Variants in SYT1 observed in about 807,000 individuals in gnomAD.
SYT1 encodes the protein synaptotagmin-1.
SYT1 carries 8 observed loss-of-function variants against 44.8 expected under a neutral mutation model. That is an observed-to-expected ratio of 0.18 (90% confidence interval 0.10 to 0.32). The LOEUF is 0.32. Among genes scored for constraint, SYT1 ranks in the 10% least tolerant of loss-of-function variants. SYT1 has a pLI of 1.00. For missense variants in SYT1, 286 were observed against 509.3 expected (o/e 0.56, Z 4.22); for synonymous variants, 154 against 188.8 (o/e 0.82, Z 1.51).
At chr12:79,176,652 A>G (rs977673369) in intron 3 of SYT1, among the ~76,000 whole-genome samples, 1 of 152,016 alleles carries the variant, frequency 6.6e-6, no homozygotes, top group Non-Finnish European at 1.5e-5. Flanking sequence ...CATTTGAAAA[A>G]GTTTTAGACT....
chr12:79,108,364 A>C (rs1878828592), intron 3 of SYT1, among the ~76,000 whole-genome samples: 1 of 152,058 alleles, frequency 6.6e-6, no homozygotes. Context: ...CATATGTATC[A>C]CTTATAATAA....
rs558624691 is a variant in SYT1 at position 79,005,341 on chromosome 12, A to C, written c.-84+27410A>C. Among the ~76,000 whole-genome samples the C allele has an allele frequency of 3.3e-5, 5 of 152,090 alleles. No individual in the cohort carries two copies. The East Asian group carries it at 9.7e-4, about 29-fold the overall frequency. ...TTAATAGAAAGTATACCCCCCATGG[A>C]TATTAAGAACATGGAATTTAAGGTC... is the stretch of plus-strand genomic sequence containing the variant. On this transcript the variant is annotated intron_variant, in intron 2 of 10. Coordinates refer to ENST00000261205, the MANE Select transcript of SYT1 (RefSeq NM_005639.3).
intron 1 of SYT1, among the ~76,000 whole-genome samples, chr12:78,874,229 T>C (rs773704772): frequency 6.6e-6 from 1 of 151,584 alleles, no homozygotes; most frequent in Non-Finnish European, 1.5e-5. Flanking sequence ...CATTATGTAG[T>C]AAGATGTAGA....
At chr12:79,350,317 A>G (rs1354809753) in intron 8 of SYT1, among the ~76,000 whole-genome samples, 2 of 136,146 alleles carry the variant, frequency 1.5e-5, no homozygotes, top group East Asian at 2.2e-4. Context: ...CAGTGGCGCG[A>G]TCTCGGCTCA....
intron 3 of SYT1, among the ~76,000 whole-genome samples, chr12:79,216,325 A>T (rs1441762639): frequency 6.6e-6 from 1 of 152,234 alleles, no homozygotes; most frequent in Non-Finnish European, 1.5e-5. Context: ...TCCTGTTAAG[A>T]ACGTGAAGTG....
intron 5 of SYT1, among the ~76,000 whole-genome samples, chr12:79,290,981 T>G (rs1429725441): frequency 6.6e-6 from 1 of 152,208 alleles, no homozygotes; most frequent in Non-Finnish European, 1.5e-5. Flanking sequence ...TAATTAATTA[T>G]TCTAATTACT....
intron 4 of SYT1, among the ~76,000 whole-genome samples, chr12:79,236,834 A>G (rs1282254843): frequency 6.6e-6 from 1 of 152,248 alleles, no homozygotes; most frequent in East Asian, 1.9e-4. Context: ...TGTGATGCAT[A>G]ATAAAACTTG....
At chr12:79,395,001 T>C (rs996280948) in intron 9 of SYT1, among the ~76,000 whole-genome samples, 2 of 152,224 alleles carry the variant, frequency 1.3e-5, no homozygotes, top group Admixed American at 1.3e-4. Flanking sequence ...AATTTTATTA[T>C]CTTATATTAT....
intron 2 of SYT1, among the ~76,000 whole-genome samples, chr12:78,990,016 A>G (rs970023461): frequency 2.0e-5 from 3 of 152,160 alleles, no homozygotes; most frequent in Non-Finnish European, 4.4e-5. Context: ...TAAATAGAAC[A>G]AGCAGAAATA....
chr12:79,232,559 A>G (rs1267461610), intron 4 of SYT1, among the ~76,000 whole-genome samples: 1 of 152,200 alleles, frequency 6.6e-6, no homozygotes, highest in South Asian at 2.1e-4. Context: ...GTTAGCCTTC[A>G]GAACTCTATT....
chr12:79,065,451 G>T (rs1171736153), intron 3 of SYT1, among the ~76,000 whole-genome samples: 1 of 152,088 alleles, frequency 6.6e-6, no homozygotes, highest in East Asian at 1.9e-4. Flanking sequence ...CATATCAGAG[G>T]ATGCTTTCTT....
At chr12:79,437,235 G>A (rs1870141624) in intron 9 of SYT1, among the ~76,000 whole-genome samples, 1 of 152,134 alleles carries the variant, frequency 6.6e-6, no homozygotes, top group African/African-American at 2.4e-5. Context: ...TAATGAGGAG[G>A]ATAGTATGAT....
intron 2 of SYT1, among the ~76,000 whole-genome samples, chr12:79,026,927 G>C (rs1872576170): frequency 6.6e-6 from 1 of 151,304 alleles, no homozygotes; most frequent in South Asian, 2.1e-4. Flanking sequence ...AGGGAATGGA[G>C]AAAAGGGAAT....
chr12:79,180,728 G>A (rs530858487), intron 3 of SYT1, among the ~76,000 whole-genome samples: 1 of 152,142 alleles, frequency 6.6e-6, no homozygotes, highest in East Asian at 1.9e-4. Flanking sequence ...ACAGTATCAA[G>A]AGAATGGTGC....
At chr12:79,209,639 G>A (rs1038963147) in intron 3 of SYT1, among the ~76,000 whole-genome samples, 2 of 152,168 alleles carry the variant, frequency 1.3e-5, no homozygotes, top group Non-Finnish European at 2.9e-5. Context: ...TTTCTCTGGA[G>A]TGACTCCCTG....
intron 2 of SYT1, among the ~76,000 whole-genome samples, chr12:79,010,382 C>T (rs998268526): frequency 6.6e-6 from 1 of 152,170 alleles, no homozygotes; most frequent in Non-Finnish European, 1.5e-5. Context: ...TCCTCCACTT[C>T]ATTCTGAACA....
intron 4 of SYT1, among the ~76,000 whole-genome samples, chr12:79,254,456 C>G (rs1877401112): frequency 6.6e-6 from 1 of 152,202 alleles, no homozygotes; most frequent in Non-Finnish European, 1.5e-5. Context: ...TACACACAGT[C>G]ACCCAAGAGC....
chr12:79,385,963 T>G (rs1884419122), intron 9 of SYT1, among the ~76,000 whole-genome samples: 1 of 152,188 alleles, frequency 6.6e-6, no homozygotes, highest in Non-Finnish European at 1.5e-5. Context: ...AACTTTGTTA[T>G]GTATACTCAG....
intron 3 of SYT1, among the ~76,000 whole-genome samples, chr12:79,149,096 G>A (rs963495311): frequency 1.3e-5 from 2 of 152,002 alleles, no homozygotes; most frequent in South Asian, 4.1e-4. Flanking sequence ...TGAGAGGGCT[G>A]TTTAAATCAG....
Sources: allele counts gnomAD v4.1 joint callset (sites outside exome capture counted in the v4.1 genomes callset), GRCh38; gene constraint gnomAD v4.1.1; transcripts MANE v1.5; gene names NCBI Gene and HGNC (gene_info 2026-07-23, HGNC 2026-07-21).